GABRB2: variants seen among roughly 807,000 people sequenced by gnomAD.
GABRB2 encodes gamma-aminobutyric acid type A receptor subunit beta2, also known as gamma-aminobutyric acid receptor subunit beta-2.
GABRB2 carries 16 observed loss-of-function variants against 54.7 expected under a neutral mutation model. The observed-to-expected ratio is 0.29, with a 90% CI of 0.20 to 0.44. The LOEUF (loss-of-function observed/expected upper bound fraction) is 0.44, where lower values mean the gene tolerates loss of function less well. GABRB2 is among the 20% of genes least tolerant of loss of function. The probability of loss-of-function intolerance (pLI) is 1.00; values close to 1 mark genes in which losing one functional copy is unlikely to be tolerated. For missense variants in GABRB2, 355 were observed against 644.0 expected, an observed-to-expected ratio of 0.55 and a Z score of 4.86; for synonymous variants, 244 against 233.8, an observed-to-expected ratio of 1.04 and a Z score of -0.40.
chr5:161,308,664 C>T (rs1757771811), intron 9 of GABRB2, among the ~76,000 whole-genome samples: 1 of 152,100 alleles, frequency 6.6e-6, no homozygotes. Context: ...CAAGAACAGA[C>T]ACATATACCA....
At chr5:161,485,769 C>T (rs1415893377) in intron 3 of GABRB2, among the ~76,000 whole-genome samples, 2 of 151,872 alleles carry the variant, frequency 1.3e-5, no homozygotes, top group South Asian at 4.2e-4. Context: ...GGTCAATGGT[C>T]AGTGAGACTC....
intron 4 of GABRB2, among the ~76,000 whole-genome samples, chr5:161,452,815 G>A (rs1304115520): frequency 4.6e-5 from 7 of 152,210 alleles, no homozygotes; most frequent in East Asian, 1.9e-4. Flanking sequence ...GTAACAAGGC[G>A]AAACCTCACC....
intron 3 of GABRB2, among the ~76,000 whole-genome samples, chr5:161,464,032 C>T (rs1454185710): frequency 6.6e-6 from 1 of 151,946 alleles, no homozygotes; most frequent in Non-Finnish European, 1.5e-5. Context: ...CTGACTTTCG[C>T]TTCAGCAAAG....
chr5:161,334,151 G>A (rs924475598), intron 7 of GABRB2, among the ~76,000 whole-genome samples: 8 of 152,034 alleles, frequency 5.3e-5, no homozygotes, highest in Admixed American at 2.6e-4. Flanking sequence ...AATCAAGATC[G>A]TGTAAAAGGC....
chr5:161,423,166 C>T (rs910344750), intron 4 of GABRB2, among the ~76,000 whole-genome samples: 14 of 151,948 alleles, frequency 9.2e-5, no homozygotes, highest in African/African-American at 2.4e-5. Context: ...GGGTGTTTCT[C>T]TTTTGCTTAG....
chr5:161,534,838 G>A (rs1360174702), intron 3 of GABRB2, among the ~76,000 whole-genome samples: 1 of 152,030 alleles, frequency 6.6e-6, no homozygotes, highest in Non-Finnish European at 1.5e-5. Flanking sequence ...ACCTTTAAGA[G>A]AATCATATGC....
chr5:161,446,210 C>T (rs1009834526), intron 4 of GABRB2, among the ~76,000 whole-genome samples: 1 of 152,072 alleles, frequency 6.6e-6, no homozygotes, highest in Non-Finnish European at 1.5e-5. Flanking sequence ...AGCTTATTCA[C>T]TACTGTACCT....
intron 3 of GABRB2, among the ~76,000 whole-genome samples, chr5:161,498,998 G>A (rs1274660515): frequency 2.0e-5 from 3 of 151,944 alleles, no homozygotes; most frequent in Non-Finnish European, 1.5e-5. Flanking sequence ...TCACATCCTC[G>A]AATGTTTACC....
chr5:161,352,953 T>G (rs1053344428), intron 5 of GABRB2, among the ~76,000 whole-genome samples: 6 of 151,980 alleles, frequency 3.9e-5, no homozygotes, highest in African/African-American at 1.4e-4. Context: ...CTGCCTACTT[T>G]CTACTAAGTC....
chr5:161,330,937 T>G lies in GABRB2; in HGVS notation c.1023A>C (p.Ala341=). The change falls in exon 8 of 10, where the codon GCA becomes GCC. Residue 341 remains alanine (A), a synonymous_variant. Coordinates refer to ENST00000393959, the MANE Select transcript of GABRB2 (RefSeq NM_001371727.1). ...FGRGPQRQKK[A]AEKAASANNE... Reference sequence around the variant, plus strand: ...TGTTGGCACTGGCAGCCTTCTCAGCTGCTTTCTTTTGGCGTTGGGGCCCCC... The same window carrying G: ...TGTTGGCACTGGCAGCCTTCTCAGCGGCTTTCTTTTGGCGTTGGGGCCCCC... 2 of 1,614,236 alleles carry G rather than the reference T, an allele frequency of 1.2e-6. No individual in the cohort carries two copies. Among genetic ancestry groups the G allele is most frequent in the Non-Finnish European group, 1.7e-6 (2 of 1,180,038 alleles).
chr5:161,313,422 C>T (rs185766103), intron 9 of GABRB2, among the ~76,000 whole-genome samples: 3 of 151,930 alleles, frequency 2.0e-5, no homozygotes, highest in East Asian at 1.9e-4. Context: ...ATCTTTTCCT[C>T]AACATGCATC....
At chr5:161,396,241 A>G (rs56224724) in intron 5 of GABRB2, among the ~76,000 whole-genome samples, 2,199 of 152,244 alleles carry the variant, frequency 0.014, 31 homozygotes, top group Non-Finnish European at 0.024. Context: ...AACCCCATCC[A>G]TTCCTTCCAG....
chr5:161,506,065 T>C (rs1759596704), intron 3 of GABRB2, among the ~76,000 whole-genome samples: 1 of 152,018 alleles, frequency 6.6e-6, no homozygotes, highest in African/African-American at 2.4e-5. Flanking sequence ...TATAACCTAA[T>C]GAATCTACAT....
intron 5 of GABRB2, among the ~76,000 whole-genome samples, chr5:161,373,073 AT>A (rs574502991): frequency 7.9e-5 from 12 of 151,840 alleles, no homozygotes; most frequent in South Asian, 2.1e-4. Context: ...ATTGATGCTT[AT>A]TTTTTTTTCC....
intron 9 of GABRB2, among the ~76,000 whole-genome samples, chr5:161,301,401 A>G (rs933505875): frequency 2.0e-5 from 3 of 151,394 alleles, no homozygotes; most frequent in Admixed American, 2.0e-4. Context: ...CACAAGAGAA[A>G]CCACTAAACT....
intron 9 of GABRB2, among the ~76,000 whole-genome samples, chr5:161,295,586 AC>A (rs1554091392): frequency 6.6e-6 from 1 of 152,222 alleles, no homozygotes; most frequent in Non-Finnish European, 1.5e-5. Context: ...ATATAACCAA[AC>A]GCTTAATTGG....
chr5:161,340,735 T>C (rs1271226335), intron 5 of GABRB2, among the ~76,000 whole-genome samples: 1 of 152,022 alleles, frequency 6.6e-6, no homozygotes, highest in Non-Finnish European at 1.5e-5. Flanking sequence ...TTTCAGTTGA[T>C]AGTTATTCAA....
At chr5:161,360,788 T>C (rs1754786064) in intron 5 of GABRB2, among the ~76,000 whole-genome samples, 1 of 152,126 alleles carries the variant, frequency 6.6e-6, no homozygotes, top group Admixed American at 6.6e-5. Context: ...TTTTGAATTA[T>C]TTTGGTCAAA....
At chr5:161,341,934 C>CTT (rs1287617552) in intron 5 of GABRB2, among the ~76,000 whole-genome samples, 4 of 54,118 alleles carry the variant, frequency 7.4e-5, no homozygotes, top group East Asian at 5.9e-4. Flanking sequence ...TTTATTTTTT[C>CTT]TTTTATATAT....
Sources: allele counts gnomAD v4.1 joint callset (sites outside exome capture counted in the v4.1 genomes callset), GRCh38; gene constraint gnomAD v4.1.1; transcripts MANE v1.5; gene names NCBI Gene and HGNC (gene_info 2026-07-23, HGNC 2026-07-21).